The following FAM81A variants were observed in gnomAD, a reference collection of about 807,000 sequenced individuals.
The protein encoded by FAM81A is family with sequence similarity 81 member A, also known as protein FAM81A.
Under a neutral mutation model 46.7 loss-of-function variants are expected in FAM81A, and 19 were observed. The observed-to-expected ratio is 0.41, with a 90% CI of 0.28 to 0.60. FAM81A has a LOEUF of 0.60. FAM81A is among the 20% of genes least tolerant of loss of function. The probability of loss-of-function intolerance (pLI) is 0.34; values close to 1 mark genes in which losing one functional copy is unlikely to be tolerated. For synonymous variants in FAM81A, 183 were observed against 152.9 expected (o/e 1.20, Z -1.45); for missense variants, 377 against 453.5 (o/e 0.83, Z 1.53).
intron 6 of FAM81A, among the ~76,000 whole-genome samples, chr15:59,509,809 TG>T (rs777014880): frequency 6.6e-6 from 1 of 151,906 alleles, no homozygotes; most frequent in Non-Finnish European, 1.5e-5. Context: ...TGCAAGAAAC[TG>T]AAAGATGGCG....
intron 1 of FAM81A, chr15:59,438,948 G>A (rs117082560): frequency 1.3e-5 from 2 of 152,308 alleles, no homozygotes; most frequent in Non-Finnish European, 2.9e-5. Context: ...CTAAAGACAT[G>A]AACAAAATCA....
At chr15:59,496,625 C>G (rs1596529523) in intron 4 of FAM81A, among the ~76,000 whole-genome samples, 1 of 151,850 alleles carries the variant, frequency 6.6e-6, no homozygotes, top group Admixed American at 6.6e-5. Context: ...GAAAGAAAAT[C>G]ACTTGGCAAA....
chr15:59,418,877 A>G (rs1382759740), intron 2 of FAM81A, among the ~76,000 whole-genome samples: 1 of 152,238 alleles, frequency 6.6e-6, no homozygotes, highest in East Asian at 1.9e-4. Context: ...GCATGTGTGC[A>G]GACAGCCCTG....
chr15:59,473,652 G>T (rs1164630876), intron 3 of FAM81A, among the ~76,000 whole-genome samples: 1 of 152,188 alleles, frequency 6.6e-6, no homozygotes, highest in Non-Finnish European at 1.5e-5. Context: ...AGAGATGGGA[G>T]TCAGTCTATT....
chr15:59,410,794 T>A (rs960025), intron 2 of FAM81A, among the ~76,000 whole-genome samples: 144,036 of 152,328 alleles, frequency 0.95, 68,642 homozygotes, highest in East Asian at 1. Context: ...CCCAGGCTAT[T>A]GTGCAGTGGC....
intron 3 of FAM81A, among the ~76,000 whole-genome samples, chr15:59,484,342 C>T (rs2081891420): frequency 6.6e-6 from 1 of 152,202 alleles, no homozygotes; most frequent in Non-Finnish European, 1.5e-5. Context: ...GTCCTCCCCA[C>T]ATGAACACCA....
At chr15:59,438,451 T>G (rs2081260316) in intron 1 of FAM81A, 169 bp downstream of exon 1, 1 of 152,170 alleles carries the variant, frequency 6.6e-6, no homozygotes, top group African/African-American at 2.4e-5. Context: ...GTTAACTGCA[T>G]GTGACGCGAA....
chr15:59,400,463 C>A (rs911513498), intron 1 of FAM81A, among the ~76,000 whole-genome samples: 15 of 152,172 alleles, frequency 9.9e-5, no homozygotes, highest in Admixed American at 2.0e-4. Flanking sequence ...CTCAGACCCC[C>A]CTACCCCATG....
At chr15:59,453,051 C>T (rs1358652975) in intron 1 of FAM81A, among the ~76,000 whole-genome samples, 1 of 152,232 alleles carries the variant, frequency 6.6e-6, no homozygotes, top group African/African-American at 2.4e-5. Context: ...GCATGAGCCA[C>T]CGCTCCTGGC....
chr15:59,458,983 T>A (rs2081517637), intron 2 of FAM81A, among the ~76,000 whole-genome samples: 1 of 152,242 alleles, frequency 6.6e-6, no homozygotes, highest in African/African-American at 2.4e-5. Flanking sequence ...AGTACATTGC[T>A]TGGCCTAGCA....
At chr15:59,504,733 G>T (rs1158153342) in intron 4 of FAM81A, among the ~76,000 whole-genome samples, 1 of 152,060 alleles carries the variant, frequency 6.6e-6, no homozygotes, top group Non-Finnish European at 1.5e-5. Flanking sequence ...CTTATTCTTG[G>T]ATGATAGGTT....
At chr15:59,459,787 C>G in intron 2 of FAM81A, 146 bp from the exon 3 acceptor site, 2 of 1,231,786 alleles carry the variant, frequency 1.6e-6, no homozygotes, top group East Asian at 2.6e-5. Flanking sequence ...GTGAAGAAAA[C>G]TTTTTTAGGC....
At chr15:59,422,265 G>A (rs1003242505) in intron 2 of FAM81A, among the ~76,000 whole-genome samples, 3 of 152,028 alleles carry the variant, frequency 2.0e-5, no homozygotes, top group Non-Finnish European at 4.4e-5. Context: ...ACACATGCTT[G>A]TAGTACCAGC....
intron 1 of FAM81A, among the ~76,000 whole-genome samples, chr15:59,400,214 G>A (rs1383953351): frequency 2.0e-5 from 3 of 152,030 alleles, no homozygotes; most frequent in African/African-American, 7.2e-5. Flanking sequence ...TTCCTGTCTG[G>A]GGGAATGCGT....
At chr15:59,492,185 T>A in intron 3 of FAM81A, 86 bp from the exon 4 acceptor site, 1 of 952,776 alleles carries the variant, frequency 1.0e-6, no homozygotes, top group Non-Finnish European at 1.6e-6. Context: ...AGTTAAACAT[T>A]CTTATTTTTG....
At chr15:59,459,341 C>G (rs1187848242) in intron 2 of FAM81A, among the ~76,000 whole-genome samples, 1 of 152,114 alleles carries the variant, frequency 6.6e-6, no homozygotes. Context: ...TAAAATCAAG[C>G]GATTTCACAT....
intron 3 of FAM81A, among the ~76,000 whole-genome samples, chr15:59,487,467 A>T (rs2081931763): frequency 6.6e-6 from 1 of 151,662 alleles, no homozygotes; most frequent in African/African-American, 2.4e-5. Context: ...TCAATGAAAC[A>T]AAAAGTTGGG....
At chr15:59,406,128 A>G (rs748460405) in intron 2 of FAM81A, among the ~76,000 whole-genome samples, 3 of 152,224 alleles carry the variant, frequency 2.0e-5, no homozygotes, top group Non-Finnish European at 4.4e-5. Context: ...AGTCTGAAAG[A>G]CAGTGCTAGA....
rs2081553953 is a variant in FAM81A at position 59,461,726 on chromosome 15, AT to A, written c.294+1522del. Among the ~76,000 whole-genome samples the A allele has an allele frequency of 2.6e-5, 4 of 152,282 alleles. No individual in the cohort carries two copies. The South Asian group carries it at 8.3e-4, about 32-fold the overall frequency. ...ATATTCTATTTTCTGGATATACCAC[AT>A]TCTGTTTAACCATTCATGAACTGAT... On this transcript the variant is annotated intron_variant, in intron 3 of 8. Transcript: ENST00000288228.
Sources: allele counts gnomAD v4.1 joint callset (sites outside exome capture counted in the v4.1 genomes callset), GRCh38; gene constraint gnomAD v4.1.1; transcripts MANE v1.5; gene names NCBI Gene and HGNC (gene_info 2026-07-23, HGNC 2026-07-21).